CADM1: variants seen among roughly 807,000 people sequenced by gnomAD.
CADM1 encodes cell adhesion molecule 1.
In CADM1, 15 loss-of-function variants were observed where a neutral mutation model predicts 53.1. The ratio of observed to expected loss-of-function variants is 0.28; its 90% CI spans 0.19 to 0.44. The LOEUF (loss-of-function observed/expected upper bound fraction) is 0.44. Among genes scored for constraint, CADM1 ranks in the 20% least tolerant of loss-of-function variants. The pLI, the probability that CADM1 is intolerant of heterozygous loss-of-function variation, is 1.00. For missense variants in CADM1, 434 were observed against 611.3 expected (o/e 0.71, Z 3.06); for synonymous variants, 281 against 243.0 (o/e 1.16, Z -1.45).
chr11:115,432,126 T>C (rs1041686387), intron 1 of CADM1, among the ~76,000 whole-genome samples: 2 of 151,984 alleles, frequency 1.3e-5, no homozygotes, highest in Non-Finnish European at 2.9e-5. Flanking sequence ...TTTGTATTTT[T>C]AGTAGAGATG....
chr11:115,234,160 C>G (rs1226876890), intron 3 of CADM1, among the ~76,000 whole-genome samples: 1 of 152,112 alleles, frequency 6.6e-6, no homozygotes, highest in Non-Finnish European at 1.5e-5. Flanking sequence ...GCCTGGAAAC[C>G]CCTTGTCTCT....
At chr11:115,304,284 T>G (rs1024317) in intron 1 of CADM1, among the ~76,000 whole-genome samples, 3 of 152,072 alleles carry the variant, frequency 2.0e-5, no homozygotes, top group Non-Finnish European at 4.4e-5. Flanking sequence ...CTTCAGGACT[T>G]ACTTTATATT....
At chr11:115,403,412 A>G (rs1242722407) in intron 1 of CADM1, among the ~76,000 whole-genome samples, 1 of 152,236 alleles carries the variant, frequency 6.6e-6, no homozygotes, top group Non-Finnish European at 1.5e-5. Context: ...GAAAATTTGA[A>G]TAAAGTCTGG....
In CADM1 at chr11:115,279,634, C is replaced by G. The variant is rs530639683; in HGVS notation, c.125-39214G>C. ...CATTTAAGGGCTGGGGAAACTGTTACAACTCTTCAGATTTTATTGTGCTAT... is the reference window on the plus strand; with the variant it reads ...CATTTAAGGGCTGGGGAAACTGTTAGAACTCTTCAGATTTTATTGTGCTAT... On this transcript the variant is annotated intron_variant, in intron 1 of 11. Transcript: ENST00000331581. Among the ~76,000 whole-genome samples, 3 of 152,304 alleles carry G rather than the reference C, an allele frequency of 2.0e-5. No individual in the cohort carries two copies. The South Asian group carries it at 6.2e-4, about 32-fold the overall frequency.
intron 1 of CADM1, among the ~76,000 whole-genome samples, chr11:115,495,948 G>A (rs1303604844): frequency 2.0e-5 from 3 of 152,154 alleles, no homozygotes; most frequent in African/African-American, 7.2e-5. Context: ...GAGGCCCTCT[G>A]ACTGTGACCC....
rs1246336239 is a variant in CADM1 at position 115,170,126 on chromosome 11, G to C, written c.*6348C>G. ...ATTAACCTGAGAAGATAGCACTTAA[G>C]GAAGATTTGAGGCGGTCACGTCTGA... On this transcript the variant is annotated 3_prime_UTR_variant, in exon 12 of 12. Transcript: ENST00000331581. 6.4e-6 allele frequency: 1 copy of C among 157,056 alleles called. No homozygotes were observed. The highest frequency in any genetic ancestry group is 1.4e-5 in the Non-Finnish European group (1 of 70,834). The allele number at this position is 157,056 out of a possible 1,614,324, so 9.7% of individuals were successfully genotyped here.
At chr11:115,181,732 C>T (rs1464933004) in intron 10 of CADM1, among the ~76,000 whole-genome samples, 1 of 152,144 alleles carries the variant, frequency 6.6e-6, no homozygotes, top group South Asian at 2.1e-4. Flanking sequence ...TTTCTGGAGT[C>T]ATCTCAGTCC....
chr11:115,196,595 TAA>T (rs61694033), intron 9 of CADM1, among the ~76,000 whole-genome samples: 4 of 76,892 alleles, frequency 5.2e-5, no homozygotes, highest in Non-Finnish European at 9.1e-5. Context: ...GCTGATGAAC[TAA>T]AAAAAAAAAA....
intron 1 of CADM1, among the ~76,000 whole-genome samples, chr11:115,290,082 G>C (rs1943848332): frequency 6.6e-6 from 1 of 152,160 alleles, no homozygotes; most frequent in African/African-American, 2.4e-5. Context: ...TCCTAGAACA[G>C]TGCCTGGGAG....
chr11:115,230,278 CTTTA>C (rs1426919125), intron 4 of CADM1, among the ~76,000 whole-genome samples: 1 of 152,266 alleles, frequency 6.6e-6, no homozygotes, highest in Non-Finnish European at 1.5e-5. Flanking sequence ...TTCTCACGCT[CTTTA>C]TTTATTTAAC....
At chr11:115,231,941 G>A (rs550093755) in intron 3 of CADM1, among the ~76,000 whole-genome samples, 3 of 152,090 alleles carry the variant, frequency 2.0e-5, no homozygotes, top group African/African-American at 4.8e-5. Context: ...AGCCGAGATC[G>A]TGCCATTGCA....
At chr11:115,446,448 G>A (rs969435612) in intron 1 of CADM1, among the ~76,000 whole-genome samples, 1 of 152,122 alleles carries the variant, frequency 6.6e-6, no homozygotes, top group Non-Finnish European at 1.5e-5. Flanking sequence ...GAAGGCTCAC[G>A]TGTTTGGAAC....
chr11:115,264,846 C>T (rs1376386296), intron 1 of CADM1, among the ~76,000 whole-genome samples: 1 of 152,098 alleles, frequency 6.6e-6, no homozygotes, highest in African/African-American at 2.4e-5. Flanking sequence ...TCTTACTATC[C>T]TTCTTTCCAC....
At chr11:115,297,938 C>A (rs112386695) in intron 1 of CADM1, among the ~76,000 whole-genome samples, 1,774 of 152,320 alleles carry the variant, frequency 0.012, 42 homozygotes, top group African/African-American at 0.039. Context: ...TACCTCTGGA[C>A]TGCACTGCAT....
chr11:115,381,305 AAAAG>A (rs1241938216), intron 1 of CADM1, among the ~76,000 whole-genome samples: 5 of 151,924 alleles, frequency 3.3e-5, no homozygotes, highest in Admixed American at 3.3e-4. Context: ...AAAAAAAAAA[AAAAG>A]AAGGTGGTAA....
At chr11:115,229,073 GC>G in intron 5 of CADM1, 39 bp downstream of exon 5, 2 of 1,604,222 alleles carry the variant, frequency 1.2e-6, no homozygotes, top group Non-Finnish European at 1.7e-6. Context: ...CTATGTAACT[GC>G]AACTCTACGC....
chr11:115,255,709 A>T (rs1565327515), intron 1 of CADM1, among the ~76,000 whole-genome samples: 1 of 152,236 alleles, frequency 6.6e-6, no homozygotes, highest in Non-Finnish European at 1.5e-5. Flanking sequence ...GTTTCCAGGA[A>T]TAAACATGTT....
chr11:115,491,012 C>A (rs746652306), intron 1 of CADM1, among the ~76,000 whole-genome samples: 2 of 151,998 alleles, frequency 1.3e-5, no homozygotes, highest in Non-Finnish European at 2.9e-5. Context: ...CCAAGAGGCA[C>A]TTTTAGAACA....
chr11:115,406,586 TAATA>T (rs1947319361), intron 1 of CADM1, among the ~76,000 whole-genome samples: 1 of 148,234 alleles, frequency 6.7e-6, no homozygotes, highest in African/African-American at 2.4e-5. Flanking sequence ...TACCTTATTA[TAATA>T]AATAATAAAA....
Sources: allele counts gnomAD v4.1 joint callset (sites outside exome capture counted in the v4.1 genomes callset), GRCh38; gene constraint gnomAD v4.1.1; transcripts MANE v1.5; gene names NCBI Gene and HGNC (gene_info 2026-07-23, HGNC 2026-07-21).